KNCN: variants seen among roughly 807,000 people sequenced by gnomAD.
KNCN encodes kinocilin.
A neutral mutation model predicts 10.4 loss-of-function variants in KNCN; 11 were observed. The ratio of observed to expected loss-of-function variants is 1.06; its 90% CI spans 0.67 to 1.75. KNCN has a LOEUF of 1.75. Among genes scored for constraint, KNCN ranks in the 40% most tolerant of loss-of-function variants. The pLI is 0.00. For missense variants in KNCN, 172 were observed against 167.1 expected, an observed-to-expected ratio of 1.03 and a Z score of -0.16; for synonymous variants, 67 against 71.6, an observed-to-expected ratio of 0.94 and a Z score of 0.33.
intron 1 of KNCN, 122 bp from the exon 2 acceptor site, chr1:46,550,124 G>A: frequency 2.6e-6 from 4 of 1,516,722 alleles, no homozygotes; most frequent in Non-Finnish European, 3.6e-6. Flanking sequence ...GGAGCACAGT[G>A]TGCAGACTTG....
chr1:46,547,743 G>A lies in KNCN; in HGVS notation c.362C>T (p.Ala121Val). ...TCAGACTTTGCCTCAGCATTCCTCA[G>A]CCCCCCGGGTCCCCGGCTTCAGCTT... ...LEKLKPGTRG[A>V]EEC The change falls in exon 4 of 4, where the codon GCT becomes GTT. Residue 121 changes from alanine (A) to valine (V), a missense_variant. By Grantham distance (64) the Ala-to-Val change is moderately conservative. Transcript: ENST00000481882. 1.3e-6 allele frequency: 2 copies of A among 1,489,854 alleles called. No homozygotes were observed. The highest frequency in any genetic ancestry group is 8.9e-7 in the Non-Finnish European group (1 of 1,119,784). 92.3% of individuals were successfully genotyped at this position (1,489,854 alleles called of 1,614,324 possible). A position where few individuals can be genotyped will look rare whatever the true frequency, so the allele number is the denominator to read the frequency against.
At position 46,551,137 on chromosome 1, in the gene KNCN, T is replaced by C. The variant is rs746618757; in HGVS notation, c.79A>G (p.Ile27Val). 7.4e-6 allele frequency: 12 copies of C among 1,611,468 alleles called. No individual in the cohort carries two copies. The South Asian group carries it at 1.3e-4, about 18-fold the overall frequency. Residue 27 changes from isoleucine to valine, a missense_variant, in exon 1 of 4, where the codon ATC (isoleucine) becomes GTC (valine). Coordinates refer to ENST00000481882, the MANE Select transcript of KNCN (RefSeq NM_001322255.2). This position sits in a 1 kb window ranked among gnomAD's most constrained non-coding sequence, Gnocchi z 4.0. ...CVALGLVAGS[I>V]IIGISVSKAA... The stretch of plus-strand genomic sequence containing the variant: ...TTGGATACGGAGATGCCGATAATGA[T>C]GCTGCCAGCCACCAGCCCGAGAGCC...
rs970664424 is a variant in KNCN at position 46,547,620 on chromosome 1, G to C, written c.*110C>G. On this transcript the variant is annotated 3_prime_UTR_variant, in exon 4 of 4. Coordinates refer to ENST00000481882, the MANE Select transcript of KNCN (RefSeq NM_001322255.2). The stretch of plus-strand genomic sequence containing the variant: ...ACTGTTCCCAGCCGCTCTGGGGTCT[G>C]CAGGGCCTGGCTTGTCTCCGGTCCG... The C allele has an allele frequency of 2.4e-6, 2 of 847,070 alleles. No homozygotes were observed. Among genetic ancestry groups the C allele is most frequent in the Non-Finnish European group, 2.0e-6 (1 of 503,686 alleles). 52.5% of individuals were successfully genotyped at this position (847,070 alleles called of 1,614,324 possible).
intron 3 of KNCN, 149 bp downstream of exon 3, chr1:46,549,044 G>A: frequency 1.7e-6 from 1 of 602,286 alleles, no homozygotes; most frequent in Non-Finnish European, 2.9e-6. Flanking sequence ...GGGAGGCTGA[G>A]GCAGGAGAAT....
intron 3 of KNCN, among the ~76,000 whole-genome samples, chr1:46,548,497 C>T (rs1403046232): frequency 1.3e-5 from 2 of 152,166 alleles, no homozygotes; most frequent in Non-Finnish European, 2.9e-5. Context: ...TATCCCAGCT[C>T]TGCCCTGGGC....
intron 2 of KNCN, chr1:46,549,635 T>G: frequency 1.8e-6 from 1 of 550,302 alleles, no homozygotes; most frequent in Non-Finnish European, 3.2e-6. Context: ...GGCTCAGGGA[T>G]GGAGAGGGAG....
In KNCN at chr1:46,547,585, C is replaced by A; in HGVS notation, c.*145G>T. 1 of 733,554 alleles carries A rather than the reference C, an allele frequency of 1.4e-6. No individual in the cohort carries two copies. Among genetic ancestry groups the A allele is most frequent in the South Asian group, 1.5e-5 (1 of 67,296 alleles). 45.4% of individuals were successfully genotyped at this position (733,554 alleles called of 1,614,324 possible). A position where few individuals can be genotyped will look rare whatever the true frequency, so the allele number is the denominator to read the frequency against. On this transcript the variant is annotated 3_prime_UTR_variant, in exon 4 of 4. Coordinates refer to ENST00000481882, the MANE Select transcript of KNCN (RefSeq NM_001322255.2). Reference sequence around the variant, plus strand: ...TTGGCCGGGCGAGTGCAAAAGGCCCCATTCCAGACACTGTTCCCAGCCGCT... The same window carrying A: ...TTGGCCGGGCGAGTGCAAAAGGCCCAATTCCAGACACTGTTCCCAGCCGCT...
chr1:46,550,062 G>C, intron 1 of KNCN, 60 bp from the exon 2 acceptor site: 1 of 1,549,716 alleles, frequency 6.5e-7, no homozygotes, highest in East Asian at 2.4e-5. Flanking sequence ...TTGAGGCTGT[G>C]GGTGGGCTGG....
chr1:46,549,386 C>T, intron 2 of KNCN, 119 bp from the exon 3 acceptor site: 1 of 679,944 alleles, frequency 1.5e-6, no homozygotes, highest in East Asian at 2.8e-5. Context: ...TGTCTTTGCT[C>T]CACTGCATTC....
chr1:46,545,990 A>C lies in KNCN; in HGVS notation c.*1740T>G, dbSNP rs895549086. 2.0e-5 allele frequency: 3 copies of C among 152,366 alleles called. No homozygotes were observed. Among genetic ancestry groups the C allele is most frequent in the Non-Finnish European group, 2.9e-5 (2 of 68,094 alleles). 9.4% of individuals were successfully genotyped at this position (152,366 alleles called of 1,614,324 possible). A position where few individuals can be genotyped will look rare whatever the true frequency, so the allele number is the denominator to read the frequency against. On this transcript the variant is annotated 3_prime_UTR_variant, in exon 4 of 4. Transcript: ENST00000481882. ...GCAGCAGCTGGGTGGAGAGGAGGGC[A>C]GTTCAAAGAGAGGAAGTTGCTTCTC...
Position 46,547,532 on chromosome 1 carries a change from A to G in KNCN, c.*198T>C. On this transcript the variant is annotated 3_prime_UTR_variant, in exon 4 of 4. Transcript: ENST00000481882. ...GACACCTTGCTCCAGGTCCCAGCCC[A>G]CACCAGTGGAATCCATTTTGGAGAG... The G allele has an allele frequency of 1.4e-6, 1 of 706,306 alleles. No homozygotes were observed. The highest frequency in any genetic ancestry group is 2.7e-5 in the East Asian group (1 of 37,188). The allele number at this position is 706,306 out of a possible 1,614,324, so 43.8% of individuals were successfully genotyped here.
Position 46,546,284 on chromosome 1 carries a change from T to G in KNCN, c.*1446A>C, listed in dbSNP as rs756280539. ...GACTCTGTGCTTCAGAAAACTTTGG[T>G]TTTTCCAACATCCACTGGGGTGTCG... On this transcript the variant is annotated 3_prime_UTR_variant, in exon 4 of 4. Coordinates refer to ENST00000481882, the MANE Select transcript of KNCN (RefSeq NM_001322255.2). The G allele has an allele frequency of 6.6e-6, 1 of 152,090 alleles. No individual in the cohort carries two copies. Among genetic ancestry groups the G allele is most frequent in the Non-Finnish European group, 1.5e-5 (1 of 68,024 alleles). 9.4% of individuals were successfully genotyped at this position (152,090 alleles called of 1,614,324 possible).
chr1:46,548,619 G>A (rs1666996865), intron 3 of KNCN, among the ~76,000 whole-genome samples: 1 of 152,084 alleles, frequency 6.6e-6, no homozygotes, highest in Non-Finnish European at 1.5e-5. Context: ...GAAAGGGAGG[G>A]AGGGGAAGGG....
intron 1 of KNCN, 76 bp from the exon 2 acceptor site, chr1:46,550,078 T>G (rs566450658): frequency 5.2e-6 from 8 of 1,548,382 alleles, no homozygotes. Flanking sequence ...GCTGGGAGCC[T>G]GAGGGGTGGT....
Position 46,549,178 on chromosome 1 carries a change from A to T in KNCN, c.295+15T>A. 6.3e-7 allele frequency: 1 copy of T among 1,590,744 alleles called. No individual in the cohort carries two copies. Among genetic ancestry groups the T allele is most frequent in the Non-Finnish European group, 8.6e-7 (1 of 1,169,328 alleles). On this transcript the variant is annotated intron_variant, in intron 3 of 3. Transcript: ENST00000481882. ...AGAAAAAAGAAGGATGGACTCGGGA[A>T]TTTCTGGAACTTACCTTCCTTGTTG...
chr1:46,549,338 G>T, intron 2 of KNCN, 71 bp from the exon 3 acceptor site: 1 of 1,174,644 alleles, frequency 8.5e-7, no homozygotes, highest in East Asian at 2.5e-5. Flanking sequence ...GGTTGGGAAG[G>T]GAAGTCCTTC....
chr1:46,549,708 A>G (rs1320977873), intron 2 of KNCN: 1 of 697,334 alleles, frequency 1.4e-6, no homozygotes, highest in Non-Finnish European at 2.4e-6. Flanking sequence ...TGAACTTCCC[A>G]GCTCTGAGCT....
rs1016384966 is a variant in KNCN at position 46,546,529 on chromosome 1, T to C, written c.*1201A>G. The C allele has an allele frequency of 6.6e-6, 1 of 152,220 alleles. No individual in the cohort carries two copies. The highest frequency in any genetic ancestry group is 2.4e-5 in the African/African-American group (1 of 41,438). The allele number at this position is 152,220 out of a possible 1,614,324, so 9.4% of individuals were successfully genotyped here. On this transcript the variant is annotated 3_prime_UTR_variant, in exon 4 of 4. Coordinates refer to ENST00000481882, the MANE Select transcript of KNCN (RefSeq NM_001322255.2). ...CAGGCCAGAGGCCGTATGGAGAGGG[T>C]ATCTCTGTAGAGGTCAAACAACTCT...
intron 3 of KNCN, 108 bp downstream of exon 3, chr1:46,549,085 G>A: frequency 1.3e-6 from 1 of 776,332 alleles, no homozygotes; most frequent in Non-Finnish European, 2.1e-6. Flanking sequence ...AGGTTGCAGT[G>A]AGCCGAGATC....
Sources: allele counts gnomAD v4.1 joint callset (sites outside exome capture counted in the v4.1 genomes callset), GRCh38; gene constraint gnomAD v4.1.1; non-coding constraint Gnocchi (gnomAD v3.1); transcripts MANE v1.5; gene names NCBI Gene and HGNC (gene_info 2026-07-23, HGNC 2026-07-21).